The following TBL1XR1 variants were observed in gnomAD, a reference collection of about 807,000 sequenced individuals.
The protein encoded by TBL1XR1 is F-box-like/WD repeat-containing protein TBL1XR1.
Under a neutral mutation model 66.9 loss-of-function variants are expected in TBL1XR1, and 5 were observed. That is an observed-to-expected ratio of 0.07 (90% CI 0.04 to 0.16). The LOEUF (loss-of-function observed/expected upper bound fraction) is 0.16. Among genes scored for constraint, TBL1XR1 ranks in the 10% least tolerant of loss-of-function variants. The pLI is 1.00. For missense variants in TBL1XR1, 238 were observed against 623.2 expected (o/e 0.38, Z 6.58); for synonymous variants, 210 against 206.0 (o/e 1.02, Z -0.17).
At position 177,126,815 on chromosome 3, in the gene TBL1XR1, C is replaced by CA. The variant is rs10559049; in HGVS notation, c.-121-28275dup. ...CTTGATTTCATCCCCCATTTTCAGC[C>CA]AAAAAAAAAAAAAGGGCACAAGTCA... On this transcript the variant is annotated intron_variant, in intron 1 of 15. Coordinates refer to ENST00000457928, the MANE Select transcript of TBL1XR1 (RefSeq NM_024665.7). Among the ~76,000 whole-genome samples the CA allele has an allele frequency of 5.2e-3, 773 of 148,288 alleles. 13 individuals carry two copies. The highest frequency in any genetic ancestry group is 0.042 in the South Asian group (198 of 4,686).
chr3:177,113,510 CA>C (rs948264488), intron 1 of TBL1XR1, among the ~76,000 whole-genome samples: 3 of 151,920 alleles, frequency 2.0e-5, no homozygotes, highest in African/African-American at 4.8e-5. Flanking sequence ...AACTCAATAA[CA>C]AAAAATCAAA....
chr3:177,188,264 G>C (rs1361941723), intron 1 of TBL1XR1, among the ~76,000 whole-genome samples: 1 of 151,910 alleles, frequency 6.6e-6, no homozygotes, highest in Non-Finnish European at 1.5e-5. Context: ...AAGAATTACT[G>C]TCCAGGCACA....
chr3:177,155,931 C>T (rs529838111), intron 1 of TBL1XR1, among the ~76,000 whole-genome samples: 1 of 151,794 alleles, frequency 6.6e-6, no homozygotes, highest in Admixed American at 6.6e-5. Flanking sequence ...ATCACTTGAA[C>T]CCGAGAGGTG....
intron 1 of TBL1XR1, among the ~76,000 whole-genome samples, chr3:177,115,993 G>T (rs753310472): frequency 1.3e-5 from 2 of 152,152 alleles, no homozygotes; most frequent in Non-Finnish European, 2.9e-5. Context: ...TTGCTTTAAT[G>T]AAAATAAAGA....
chr3:177,121,643 A>G (rs1288565840), intron 1 of TBL1XR1, among the ~76,000 whole-genome samples: 1 of 152,200 alleles, frequency 6.6e-6, no homozygotes, highest in African/African-American at 2.4e-5. Flanking sequence ...ATTAACATAA[A>G]TTTTGTAGTC....
intron 1 of TBL1XR1, among the ~76,000 whole-genome samples, chr3:177,142,264 G>A (rs1325302212): frequency 1.3e-5 from 2 of 152,202 alleles, no homozygotes; most frequent in Non-Finnish European, 2.9e-5. Flanking sequence ...TCCTTGCAGA[G>A]CAGGGCTCCC....
intron 1 of TBL1XR1, among the ~76,000 whole-genome samples, chr3:177,143,826 A>G (rs1325924991): frequency 6.6e-6 from 1 of 152,244 alleles, no homozygotes; most frequent in African/African-American, 2.4e-5. Context: ...GGTCATCTGC[A>G]ATGAAGTGAC....
chr3:177,125,263 G>A (rs867501537), intron 1 of TBL1XR1, among the ~76,000 whole-genome samples: 58 of 152,026 alleles, frequency 3.8e-4, no homozygotes, highest in African/African-American at 1.4e-3. Context: ...ATACCCCAAA[G>A]AGTAAAATAC....
intron 1 of TBL1XR1, among the ~76,000 whole-genome samples, chr3:177,135,333 G>GTGTGTGTGTGTGTATATATATATA (rs1560213907): frequency 1.9e-5 from 1 of 53,820 alleles, no homozygotes; most frequent in Non-Finnish European, 3.7e-5. Flanking sequence ...GTGTGTGTGT[G>GTGTGTGTGTGTGTATATATATATA]TATACATATA....
At chr3:177,175,289 C>G (rs1418550969) in intron 1 of TBL1XR1, among the ~76,000 whole-genome samples, 1 of 151,858 alleles carries the variant, frequency 6.6e-6, no homozygotes, top group Non-Finnish European at 1.5e-5. Flanking sequence ...AGGAATCATA[C>G]CATGAAAATA....
At chr3:177,194,926 C>A (rs1350122687) in intron 1 of TBL1XR1, among the ~76,000 whole-genome samples, 1 of 151,514 alleles carries the variant, frequency 6.6e-6, no homozygotes, top group Non-Finnish European at 1.5e-5. Context: ...GTGTCTCCCA[C>A]ATTAATACCC....
At chr3:177,180,094 A>G (rs12495080) in intron 1 of TBL1XR1, among the ~76,000 whole-genome samples, 75,861 of 151,668 alleles carry the variant, frequency 0.5, 19,798 homozygotes, top group Non-Finnish European at 0.57. Flanking sequence ...AAAATTAGCC[A>G]GGCATGGTGG....
chr3:177,180,557 A>G (rs1734699654), intron 1 of TBL1XR1, among the ~76,000 whole-genome samples: 1 of 152,050 alleles, frequency 6.6e-6, no homozygotes, highest in South Asian at 2.1e-4. Flanking sequence ...TTTTAAGTTC[A>G]AAGTTTTAAA....
intron 1 of TBL1XR1, among the ~76,000 whole-genome samples, chr3:177,181,499 G>A (rs888164306): frequency 2.0e-5 from 3 of 148,726 alleles, no homozygotes; most frequent in South Asian, 4.2e-4. Context: ...AAAAAAGAAC[G>A]CCTCTGCCAG....
At chr3:177,042,358 C>T (rs1001222011) in intron 10 of TBL1XR1, among the ~76,000 whole-genome samples, 3 of 152,046 alleles carry the variant, frequency 2.0e-5, no homozygotes. Context: ...TTATACAGGG[C>T]AGCCTGCAAA....
intron 1 of TBL1XR1, among the ~76,000 whole-genome samples, chr3:177,126,802 C>T (rs1727685196): frequency 1.2e-5 from 1 of 82,074 alleles, no homozygotes; most frequent in African/African-American, 5.2e-5. Flanking sequence ...TGATTTCATC[C>T]CCCATTTTCA....
chr3:177,093,487 G>A (rs1723083872), intron 2 of TBL1XR1, among the ~76,000 whole-genome samples: 1 of 152,030 alleles, frequency 6.6e-6, no homozygotes, highest in Non-Finnish European at 1.5e-5. Flanking sequence ...AAATTTCTAT[G>A]GTATCAAAGA....
chr3:177,149,508 C>T (rs1290634623), intron 1 of TBL1XR1, among the ~76,000 whole-genome samples: 1 of 152,006 alleles, frequency 6.6e-6, no homozygotes, highest in East Asian at 1.9e-4. Flanking sequence ...TACTAATAGG[C>T]CACCTAGATT....
rs1208006342 is a variant in TBL1XR1 at position 177,195,809 on chromosome 3, G to C, written c.-122+1312C>G. 3.3e-5 allele frequency: 5 copies of C among 152,002 alleles called. No homozygotes were observed. The East Asian group carries it at 9.6e-4, about 29-fold the overall frequency. The allele number at this position is 152,002 out of a possible 1,614,324, so 9.4% of individuals were successfully genotyped here. A position where few individuals can be genotyped will look rare whatever the true frequency, so the allele number is the denominator to read the frequency against. On this transcript the variant is annotated intron_variant, in intron 1 of 15. Coordinates refer to ENST00000457928, the MANE Select transcript of TBL1XR1 (RefSeq NM_024665.7). Reference sequence around the variant, plus strand: ...AACAAGCTTGTTTAGATCAGCATACGGTTCCTGTTTGGAAAACAAGAAAGT... The same window carrying C: ...AACAAGCTTGTTTAGATCAGCATACCGTTCCTGTTTGGAAAACAAGAAAGT...
Sources: allele counts gnomAD v4.1 joint callset (sites outside exome capture counted in the v4.1 genomes callset), GRCh38; gene constraint gnomAD v4.1.1; transcripts MANE v1.5; gene names NCBI Gene and HGNC (gene_info 2026-07-23, HGNC 2026-07-21).